The following KCTD8 variants were observed in gnomAD, a reference collection of about 807,000 sequenced individuals.
The protein encoded by KCTD8 is BTB/POZ domain-containing protein KCTD8.
Under a neutral mutation model 31.5 loss-of-function variants are expected in KCTD8, and 27 were observed. The ratio of observed to expected loss-of-function variants is 0.86; its 90% CI spans 0.63 to 1.18. The LOEUF (loss-of-function observed/expected upper bound fraction) is 1.18. Among genes scored for constraint, KCTD8 ranks in the 50% most tolerant of loss-of-function variants. The pLI, the probability that KCTD8 is intolerant of heterozygous loss-of-function variation, is 0.00. For synonymous variants in KCTD8, 290 were observed against 280.0 expected (o/e 1.04, Z -0.36); for missense variants, 658 against 647.7 (o/e 1.02, Z -0.17).
intron 1 of KCTD8, among the ~76,000 whole-genome samples, chr4:44,402,703 T>G (rs1012134263): frequency 1.3e-5 from 2 of 152,220 alleles, no homozygotes; most frequent in Non-Finnish European, 2.9e-5. Flanking sequence ...GCTATCATTT[T>G]CCACATTGAC....
chr4:44,210,595 T>A (rs1172364357), intron 1 of KCTD8, among the ~76,000 whole-genome samples: 2 of 152,206 alleles, frequency 1.3e-5, no homozygotes, highest in Admixed American at 1.3e-4. Context: ...AAAACTCCCA[T>A]AAGATTTCAG....
chr4:44,269,079 C>A (rs201813773), intron 1 of KCTD8, among the ~76,000 whole-genome samples: 66 of 152,190 alleles, frequency 4.3e-4, no homozygotes, highest in African/African-American at 1.5e-3. Flanking sequence ...GCCCTCATTG[C>A]CAAGTCAATC....
chr4:44,435,853 C>T (rs547727849), intron 1 of KCTD8, among the ~76,000 whole-genome samples: 119 of 152,110 alleles, frequency 7.8e-4, no homozygotes, highest in Middle Eastern at 3.4e-3. Context: ...TATAGGTGAT[C>T]GGTTGTCCTC....
chr4:44,310,707 G>C (rs1441810465), intron 1 of KCTD8, among the ~76,000 whole-genome samples: 1 of 152,118 alleles, frequency 6.6e-6, no homozygotes, highest in Non-Finnish European at 1.5e-5. Flanking sequence ...CCAATGTGCA[G>C]AGAAATTGTA....
At chr4:44,361,083 C>T (rs78043743) in intron 1 of KCTD8, among the ~76,000 whole-genome samples, 15,120 of 151,898 alleles carry the variant, frequency 0.1, 836 homozygotes, top group African/African-American at 0.13. Flanking sequence ...CTCCCTTGAT[C>T]GTACTCACTT....
intron 1 of KCTD8, 148 bp downstream of exon 1, chr4:44,447,415 A>G: frequency 7.9e-7 from 1 of 1,270,378 alleles, no homozygotes; most frequent in Non-Finnish European, 1.0e-6. Flanking sequence ...CTACTGCATA[A>G]GGGAATCGTG....
In KCTD8 at chr4:44,235,558, TATATATATATATATATA is replaced by T. The variant is rs1560402069; in HGVS notation, c.962-60325_962-60309del. Among the ~76,000 whole-genome samples, 124 of 85,214 alleles carry T rather than the reference TATATATATATATATATA, an allele frequency of 1.5e-3. 1 individual carries two copies. Among genetic ancestry groups the T allele is most frequent in the African/African-American group, 3.2e-3 (53 of 16,520 alleles). The allele number at this position is 85,214 out of a possible 152,430, so 55.9% of individuals were successfully genotyped here. On this transcript the variant is annotated intron_variant, in intron 1 of 1. Transcript: ENST00000360029. ...ATATATATATATATATATATATATATATATATATATATATATATTTAGAGAGAGAGAGAGAGAGAGAG... is the reference window on the plus strand; with the variant it reads ...ATATATATATATATATATATATATATTTTAGAGAGAGAGAGAGAGAGAGAG...
chr4:44,409,343 G>C (rs1476113669), intron 1 of KCTD8, among the ~76,000 whole-genome samples: 1 of 152,016 alleles, frequency 6.6e-6, no homozygotes, highest in Non-Finnish European at 1.5e-5. Flanking sequence ...AAGACCCTAG[G>C]AAAAATCTGT....
At chr4:44,266,284 AGCCAAACTAAGCTTCATAAGT>A (rs1223571060) in intron 1 of KCTD8, among the ~76,000 whole-genome samples, 6 of 151,662 alleles carry the variant, frequency 4.0e-5, no homozygotes, top group African/African-American at 1.2e-4. Flanking sequence ...TTTCATATCC[AGCCAAACTAAGCTTCATAAGT>A]GAAGGAGAAA....
intron 1 of KCTD8, among the ~76,000 whole-genome samples, chr4:44,404,925 A>C (rs925937726): frequency 4.6e-5 from 7 of 152,174 alleles, no homozygotes; most frequent in African/African-American, 1.7e-4. Context: ...ATCACAGTTC[A>C]CCTTCATTAG....
At chr4:44,232,777 T>C (rs954689973) in intron 1 of KCTD8, among the ~76,000 whole-genome samples, 11 of 152,086 alleles carry the variant, frequency 7.2e-5, no homozygotes, top group Non-Finnish European at 1.6e-4. Context: ...TATTTCTAAG[T>C]TGAGATATAA....
chr4:44,245,524 G>C (rs189052429), intron 1 of KCTD8, among the ~76,000 whole-genome samples: 1 of 151,740 alleles, frequency 6.6e-6, no homozygotes, highest in Non-Finnish European at 1.5e-5. Context: ...AGCATTAATG[G>C]TGTATAAATT....
At chr4:44,341,028 A>C (rs998704908) in intron 1 of KCTD8, among the ~76,000 whole-genome samples, 4 of 152,150 alleles carry the variant, frequency 2.6e-5, no homozygotes, top group Admixed American at 2.6e-4. Context: ...ACTTATGTAC[A>C]GCCATACCTT....
rs555217916 is a variant in KCTD8, at chr4:44,421,568, A to T, written c.961+25995T>A. Among the ~76,000 whole-genome samples, 5 of 152,238 alleles carry T rather than the reference A, an allele frequency of 3.3e-5. No individual in the cohort carries two copies. In the East Asian group the frequency reaches 7.7e-4, roughly 24 times the overall value. ...CTTTCTCATATCCTCTGGTTTTATGATATTTACTGAGTGTGACATATAGTG... is the reference window on the plus strand; with the variant it reads ...CTTTCTCATATCCTCTGGTTTTATGTTATTTACTGAGTGTGACATATAGTG... On this transcript the variant is annotated intron_variant, in intron 1 of 1. Transcript: ENST00000360029.
intron 1 of KCTD8, among the ~76,000 whole-genome samples, chr4:44,227,444 G>A (rs1714999085): frequency 6.6e-6 from 1 of 152,060 alleles, no homozygotes; most frequent in South Asian, 2.1e-4. Flanking sequence ...AGACATATCA[G>A]GGTAGTATGA....
chr4:44,356,653 T>A (rs1287174162), intron 1 of KCTD8, among the ~76,000 whole-genome samples: 1 of 152,080 alleles, frequency 6.6e-6, no homozygotes, highest in Non-Finnish European at 1.5e-5. Context: ...GTATTTTTGG[T>A]AGAGACAGGG....
At chr4:44,208,113 G>A (rs1356223921) in intron 1 of KCTD8, among the ~76,000 whole-genome samples, 1 of 152,150 alleles carries the variant, frequency 6.6e-6, no homozygotes, top group African/African-American at 2.4e-5. Flanking sequence ...GGGTACAAAA[G>A]GTGACCACAG....
At chr4:44,233,579 G>A (rs1715184726) in intron 1 of KCTD8, among the ~76,000 whole-genome samples, 1 of 152,116 alleles carries the variant, frequency 6.6e-6, no homozygotes, top group South Asian at 2.1e-4. Context: ...ATGATGAACT[G>A]AAGGACAGAA....
chr4:44,213,082 C>T (rs796769166), intron 1 of KCTD8, among the ~76,000 whole-genome samples: 22 of 152,080 alleles, frequency 1.4e-4, no homozygotes, highest in African/African-American at 4.1e-4. Context: ...GGTCTACAGG[C>T]GCCCGCCACC....
Sources: gnomAD v4.1 joint callset for allele counts (sites outside exome capture counted in the v4.1 genomes callset) on GRCh38, gnomAD v4.1.1 for gene constraint, MANE v1.5 for transcripts, NCBI Gene and HGNC (gene_info 2026-07-23, HGNC 2026-07-21) for gene names.